GALNTL6: variants seen among roughly 807,000 people sequenced by gnomAD.
GALNTL6 encodes polypeptide N-acetylgalactosaminyltransferase-like 6.
A neutral mutation model predicts 73.7 loss-of-function variants in GALNTL6; 46 were observed. The observed-to-expected ratio is 0.62, with a 90% CI of 0.49 to 0.80. The LOEUF is 0.80. Ranked by LOEUF, GALNTL6 falls within the 30% of genes least tolerant of loss-of-function variation. The pLI, the probability that GALNTL6 is intolerant of heterozygous loss-of-function variation, is 0.00. For missense variants in GALNTL6, 604 were observed against 755.0 expected (o/e 0.80, Z 2.34); for synonymous variants, 259 against 263.7 (o/e 0.98, Z 0.17).
chr4:172,468,601 A>T (rs1732927117), intron 5 of GALNTL6, among the ~76,000 whole-genome samples: 1 of 152,218 alleles, frequency 6.6e-6, no homozygotes, highest in Non-Finnish European at 1.5e-5. Flanking sequence ...TATATATTTT[A>T]TAGAAATGTC....
At chr4:172,481,054 G>T (rs535251038) in intron 5 of GALNTL6, among the ~76,000 whole-genome samples, 1 of 152,150 alleles carries the variant, frequency 6.6e-6, no homozygotes, top group Non-Finnish European at 1.5e-5. Context: ...GTGGACTATC[G>T]CGGTGAGTGT....
At chr4:171,819,669 A>G (rs1015418527) in intron 2 of GALNTL6, among the ~76,000 whole-genome samples, 6 of 152,170 alleles carry the variant, frequency 3.9e-5, no homozygotes, top group Non-Finnish European at 8.8e-5. Flanking sequence ...CAAATGAAAG[A>G]CAGCTGAGGG....
intron 2 of GALNTL6, among the ~76,000 whole-genome samples, chr4:171,933,489 T>A (rs535233862): frequency 6.6e-6 from 1 of 152,274 alleles, no homozygotes; most frequent in South Asian, 2.1e-4. Flanking sequence ...TATCTATAAA[T>A]GAGAAATAGT....
chr4:172,686,399 T>C (rs1732919723), intron 5 of GALNTL6, among the ~76,000 whole-genome samples: 1 of 152,196 alleles, frequency 6.6e-6, no homozygotes, highest in Non-Finnish European at 1.5e-5. Context: ...ATGAGAAGCC[T>C]GGCTCTGGTG....
chr4:172,342,069 G>A lies in GALNTL6; in HGVS notation c.387-6454G>A, dbSNP rs940194472. On this transcript the variant is annotated intron_variant, in intron 4 of 12. Coordinates refer to ENST00000506823, the MANE Select transcript of GALNTL6 (RefSeq NM_001034845.3). ...TTAGCCACCTGATAATATAATATTAGTGGCTGTTAGAGCCTCTATTCACAT... is the reference window on the plus strand; with the variant it reads ...TTAGCCACCTGATAATATAATATTAATGGCTGTTAGAGCCTCTATTCACAT... Among the ~76,000 whole-genome samples the A allele has an allele frequency of 5.3e-5, 8 of 152,084 alleles. No individual in the cohort carries two copies. The South Asian group carries it at 1.7e-3, about 32-fold the overall frequency.
intron 5 of GALNTL6, among the ~76,000 whole-genome samples, chr4:172,759,879 G>T (rs55760926): frequency 7.9e-6 from 1 of 126,314 alleles, no homozygotes; most frequent in East Asian, 2.2e-4. Flanking sequence ...GCCCAGGCCG[G>T]ACTGCGGACT....
At chr4:172,010,770 A>C (rs1423257185) in intron 2 of GALNTL6, among the ~76,000 whole-genome samples, 1 of 152,072 alleles carries the variant, frequency 6.6e-6, no homozygotes, top group African/African-American at 2.4e-5. Context: ...ATAATCAAAG[A>C]GATGAAATTT....
At chr4:171,954,780 T>C (rs13152268) in intron 2 of GALNTL6, among the ~76,000 whole-genome samples, 75,919 of 151,900 alleles carry the variant, frequency 0.5, 19,649 homozygotes, top group Admixed American at 0.61. Context: ...GGGTGTGAAC[T>C]TCCCCCTCTC....
intron 8 of GALNTL6, among the ~76,000 whole-genome samples, chr4:172,884,300 G>C (rs1326079475): frequency 6.6e-6 from 1 of 152,066 alleles, no homozygotes; most frequent in African/African-American, 2.4e-5. Context: ...TTGTCTTTGA[G>C]ATAATAGCCA....
At chr4:172,823,242 C>T (rs995405835) in intron 7 of GALNTL6, among the ~76,000 whole-genome samples, 3 of 152,204 alleles carry the variant, frequency 2.0e-5, no homozygotes, top group Non-Finnish European at 2.9e-5. Flanking sequence ...TATATATTAG[C>T]TTCATTTCAC....
intron 2 of GALNTL6, among the ~76,000 whole-genome samples, chr4:172,025,136 T>C (rs983560): frequency 0.67 from 101,020 of 151,700 alleles, 34,006 homozygotes; most frequent in East Asian, 0.77. Context: ...ACAGATAATG[T>C]CTGTAAAGGA....
intron 5 of GALNTL6, among the ~76,000 whole-genome samples, chr4:172,392,711 T>G (rs935549330): frequency 6.6e-6 from 1 of 152,196 alleles, no homozygotes; most frequent in Non-Finnish European, 1.5e-5. Flanking sequence ...TACTAAAAAT[T>G]GTCCTGGCTC....
At chr4:172,382,770 C>A (rs569992292) in intron 5 of GALNTL6, among the ~76,000 whole-genome samples, 10 of 151,980 alleles carry the variant, frequency 6.6e-5, no homozygotes, top group Admixed American at 6.5e-4. Context: ...TTCATTTTTG[C>A]CTATTGTGTG....
At chr4:172,339,075 C>T (rs1192091272) in intron 4 of GALNTL6, among the ~76,000 whole-genome samples, 1 of 152,076 alleles carries the variant, frequency 6.6e-6, no homozygotes, top group Non-Finnish European at 1.5e-5. Flanking sequence ...GGGCATAAAA[C>T]AGAGAGTGCT....
intron 2 of GALNTL6, among the ~76,000 whole-genome samples, chr4:172,051,077 G>T (rs143503964): frequency 6.6e-6 from 1 of 152,124 alleles, no homozygotes; most frequent in South Asian, 2.1e-4. Flanking sequence ...CTTGGCAAAG[G>T]CAGAGTGTTA....
intron 3 of GALNTL6, among the ~76,000 whole-genome samples, chr4:172,286,027 G>T (rs1241485755): frequency 6.6e-6 from 1 of 152,178 alleles, no homozygotes; most frequent in Non-Finnish European, 1.5e-5. Context: ...GTGATGCCAT[G>T]AGTCGAAAGC....
intron 5 of GALNTL6, among the ~76,000 whole-genome samples, chr4:172,705,938 C>A (rs6821734): frequency 0.16 from 24,587 of 151,832 alleles, 2,422 homozygotes; most frequent in Admixed American, 0.25. Context: ...TTATTATATG[C>A]CTTGGGGTAG....
chr4:171,986,619 G>C (rs1420233061), intron 2 of GALNTL6, among the ~76,000 whole-genome samples: 1 of 152,146 alleles, frequency 6.6e-6, no homozygotes, highest in African/African-American at 2.4e-5. Context: ...AACCTAGAGT[G>C]GGAGAGATTA....
intron 2 of GALNTL6, among the ~76,000 whole-genome samples, chr4:171,869,292 G>T (rs934808407): frequency 1.3e-5 from 2 of 152,084 alleles, no homozygotes; most frequent in African/African-American, 4.8e-5. Flanking sequence ...AATAAAACAG[G>T]CTTCTTAAAA....
Sources: gnomAD v4.1 joint callset for allele counts (sites outside exome capture counted in the v4.1 genomes callset) on GRCh38, gnomAD v4.1.1 for gene constraint, MANE v1.5 for transcripts, NCBI Gene and HGNC (gene_info 2026-07-23, HGNC 2026-07-21) for gene names.